Variants in HDAC9 observed in about 807,000 individuals in gnomAD.
The protein encoded by HDAC9 is MEF-2 interacting transcription repressor (MITR) protein.
HDAC9 carries 41 observed loss-of-function variants against 139.4 expected under a neutral mutation model. That is an observed-to-expected ratio of 0.29 (90% CI 0.23 to 0.38). The LOEUF is 0.38. Among genes scored for constraint, HDAC9 ranks in the 10% least tolerant of loss-of-function variants. The pLI is 1.00. For synonymous variants in HDAC9, 517 were observed against 476.2 expected (o/e 1.09, Z -1.12); for missense variants, 1,147 against 1,297.0 (o/e 0.88, Z 1.78).
chr7:18,977,919 G>GACAGAC lies in HDAC9; in HGVS notation c.3170+1969_3170+1970insGACACA, dbSNP rs1422767293. 2.5e-3 allele frequency among the ~76,000 whole-genome samples: 352 copies of GACAGAC among 141,026 alleles called. 1 individual carries two copies. The highest frequency in any genetic ancestry group is 7.7e-3 in the African/African-American group (284 of 36,974). 92.5% of individuals were successfully genotyped at this position (141,026 alleles called of 152,430 possible). On this transcript the variant is annotated intron_variant, in intron 25 of 25. Transcript: ENST00000686413. ...GAATTTCCTCAGAGACAGACAGACA[G>GACAGAC]ACACACACACACACACACACACACA...
intron 24 of HDAC9, among the ~76,000 whole-genome samples, chr7:18,957,922 G>A (rs1288329360): frequency 6.6e-6 from 1 of 152,154 alleles, no homozygotes; most frequent in African/African-American, 2.4e-5. Flanking sequence ...CAGGCTTGTA[G>A]CATGTGGGAA....
intron 11 of HDAC9, among the ~76,000 whole-genome samples, chr7:18,661,128 G>A (rs935261956): frequency 2.0e-5 from 3 of 152,052 alleles, no homozygotes; most frequent in Non-Finnish European, 4.4e-5. Flanking sequence ...CAGCAGAAAT[G>A]GAGAAACATG....
At chr7:18,310,435 G>C (rs1167062081) in intron 1 of HDAC9, among the ~76,000 whole-genome samples, 2 of 152,150 alleles carry the variant, frequency 1.3e-5, no homozygotes, top group African/African-American at 4.8e-5. Flanking sequence ...GGTCAGTAAA[G>C]TAAGAGTTAG....
chr7:18,923,258 A>G (rs1803918984), intron 22 of HDAC9, among the ~76,000 whole-genome samples: 1 of 152,032 alleles, frequency 6.6e-6, no homozygotes, highest in Non-Finnish European at 1.5e-5. Context: ...TGAAAAATCT[A>G]AACTCACACT....
intron 16 of HDAC9, among the ~76,000 whole-genome samples, chr7:18,781,641 G>A (rs532650368): frequency 3.3e-5 from 5 of 151,990 alleles, no homozygotes; most frequent in South Asian, 4.2e-4. Flanking sequence ...TTGGAACCTC[G>A]CAACTCACAC....
intron 22 of HDAC9, among the ~76,000 whole-genome samples, chr7:18,878,165 CT>C (rs1360087047): frequency 6.6e-6 from 1 of 152,122 alleles, no homozygotes; most frequent in Admixed American, 6.6e-5. Flanking sequence ...CTACCACCCC[CT>C]GGCTTTATAG....
intron 1 of HDAC9, among the ~76,000 whole-genome samples, chr7:18,296,812 G>A (rs896425511): frequency 3.8e-4 from 58 of 152,186 alleles, no homozygotes; most frequent in Admixed American, 3.3e-3. Flanking sequence ...TGCCTCTGTG[G>A]AGAAAGGGGG....
At chr7:18,736,269 A>G (rs1786885810) in intron 13 of HDAC9, among the ~76,000 whole-genome samples, 1 of 152,158 alleles carries the variant, frequency 6.6e-6, no homozygotes, top group African/African-American at 2.4e-5. Flanking sequence ...TTCCAACACT[A>G]TGTTAAATAG....
At chr7:18,204,231 A>G (rs892812462) in intron 2 of HDAC9, among the ~76,000 whole-genome samples, 1 of 151,920 alleles carries the variant, frequency 6.6e-6, no homozygotes, top group Non-Finnish European at 1.5e-5. Context: ...TGGTTGTTTG[A>G]TAATCTGTAG....
chr7:18,212,174 G>A (rs867451357), intron 2 of HDAC9, among the ~76,000 whole-genome samples: 4 of 152,020 alleles, frequency 2.6e-5, no homozygotes, highest in African/African-American at 9.7e-5. Flanking sequence ...ACAGGATGAT[G>A]AATAATACAA....
At chr7:18,550,217 A>G (rs1816655936) in intron 2 of HDAC9, among the ~76,000 whole-genome samples, 1 of 152,242 alleles carries the variant, frequency 6.6e-6, no homozygotes, top group Non-Finnish European at 1.5e-5. Context: ...AAGTAGAGTA[A>G]CAAAACTGAA....
intron 22 of HDAC9, among the ~76,000 whole-genome samples, chr7:18,891,080 C>T (rs1278181923): frequency 6.6e-6 from 1 of 152,178 alleles, no homozygotes; most frequent in Non-Finnish European, 1.5e-5. Context: ...TCAGAATGAG[C>T]TGCCAGCTCT....
At chr7:18,761,482 T>C (rs956067740) in intron 14 of HDAC9, among the ~76,000 whole-genome samples, 2 of 152,146 alleles carry the variant, frequency 1.3e-5, no homozygotes, top group Admixed American at 1.3e-4. Flanking sequence ...GTGAAATAAA[T>C]ATTGAAGAGA....
intron 25 of HDAC9, among the ~76,000 whole-genome samples, chr7:18,992,396 C>T (rs1340411474): frequency 6.6e-6 from 1 of 152,034 alleles, no homozygotes; most frequent in Non-Finnish European, 1.5e-5. Flanking sequence ...AAATTATGCA[C>T]ATGTGTATAA....
intron 19 of HDAC9, among the ~76,000 whole-genome samples, chr7:18,831,471 G>A (rs891809931): frequency 1.8e-4 from 28 of 152,274 alleles, no homozygotes; most frequent in African/African-American, 6.0e-4. Flanking sequence ...CTTTGATTAT[G>A]TATTTGCTCC....
intron 19 of HDAC9, among the ~76,000 whole-genome samples, chr7:18,832,756 A>G (rs1795948382): frequency 1.3e-5 from 2 of 152,162 alleles, no homozygotes; most frequent in South Asian, 2.1e-4. Context: ...TTTTCTTGAG[A>G]CGGAGTTTCG....
At chr7:18,634,258 C>T (rs1182541404) in intron 7 of HDAC9, among the ~76,000 whole-genome samples, 1 of 151,710 alleles carries the variant, frequency 6.6e-6, no homozygotes, top group Non-Finnish European at 1.5e-5. Flanking sequence ...TTTTGATGTG[C>T]ACAAGTTCAT....
rs551316651 is a variant in HDAC9 at position 18,605,198 on chromosome 7, C to T, written c.664+11169C>T. Reference sequence around the variant, plus strand: ...AATAGAATTTGTGTCCTGTAGCTCCCTCAGTTTTAATTCACTGTTATAATA... The same window carrying T: ...AATAGAATTTGTGTCCTGTAGCTCCTTCAGTTTTAATTCACTGTTATAATA... On this transcript the variant is annotated intron_variant, in intron 6 of 25. Coordinates refer to ENST00000686413, the MANE Select transcript of HDAC9 (RefSeq NM_178425.4). Among the ~76,000 whole-genome samples, 13 of 152,232 alleles carry T rather than the reference C, an allele frequency of 8.5e-5. No homozygotes were observed. The South Asian group carries it at 2.7e-3, about 32-fold the overall frequency.
rs186389776 is a variant in HDAC9, at chr7:18,874,201, A to G, written c.2685-277A>G. On this transcript the variant is annotated intron_variant, in intron 21 of 25. Transcript: ENST00000686413. ...TAAAACAGCCACAGACGTATGTGTA[A>G]TATGATGGGCTTTAGAATGTACCTG... 9.1e-3 allele frequency among the ~76,000 whole-genome samples: 1,385 copies of G among 151,604 alleles called. 14 individuals are homozygous for G. Among genetic ancestry groups the G allele is most frequent in the Non-Finnish European group, 9.9e-3 (673 of 67,892 alleles).
Sources: allele counts gnomAD v4.1 joint callset (sites outside exome capture counted in the v4.1 genomes callset), GRCh38; gene constraint gnomAD v4.1.1; transcripts MANE v1.5; gene names NCBI Gene and HGNC (gene_info 2026-07-23, HGNC 2026-07-21).